PTMA: variants seen among roughly 807,000 people sequenced by gnomAD.
PTMA encodes the protein gene sequence 28.
PTMA carries 4 observed loss-of-function variants against 16.9 expected under a neutral mutation model. The observed-to-expected ratio is 0.24, with a 90% CI of 0.12 to 0.54. The LOEUF is 0.54. Ranked by LOEUF, PTMA falls within the 20% of genes least tolerant of loss-of-function variation. The pLI is 0.95. For missense variants in PTMA, 120 were observed against 137.7 expected, an observed-to-expected ratio of 0.87 and a Z score of 0.64; for synonymous variants, 58 against 47.9, an observed-to-expected ratio of 1.21 and a Z score of -0.87.
chr2:231,712,768 G>T (rs1162911332), intron 4 of PTMA, 36 bp from the exon 5 acceptor site: 1 of 1,577,736 alleles, frequency 6.3e-7, no homozygotes, highest in South Asian at 1.2e-5. Context: ...GGGCTCCTGG[G>T]GTTGGAGGGG....
chr2:231,712,018 A>T (rs1202936183), intron 3 of PTMA, 35 bp downstream of exon 3: 1 of 1,551,716 alleles, frequency 6.4e-7, no homozygotes, highest in Non-Finnish European at 8.7e-7. Context: ...CTTTTCAGGT[A>T]CTTTTTCCTG....
At chr2:231,710,338 C>T (rs746940161) in intron 1 of PTMA, 13 of 1,222,774 alleles carry the variant, frequency 1.1e-5, no homozygotes, top group African/African-American at 9.4e-5. Context: ...GCCACGTGCT[C>T]CCTGCGCGCG....
Position 231,708,697 on chromosome 2 carries a change from G to T in PTMA, c.-10G>T. 1 of 1,602,516 alleles carries T rather than the reference G, an allele frequency of 6.2e-7. No homozygotes were observed. The highest frequency in any genetic ancestry group is 8.5e-7 in the Non-Finnish European group (1 of 1,179,600). ...TAATCCCCTGCATCGGATCACCGGCGTGCCCCACCATGTCAGACGCAGCCG... is the reference window on the plus strand; with the variant it reads ...TAATCCCCTGCATCGGATCACCGGCTTGCCCCACCATGTCAGACGCAGCCG... On this transcript the variant is annotated 5_prime_UTR_variant, in exon 1 of 5. Transcript: ENST00000409115.
chr2:231,711,838 TG>T, intron 2 of PTMA, 51 bp from the exon 3 acceptor site: 1 of 1,600,956 alleles, frequency 6.2e-7, no homozygotes. Flanking sequence ...AGCAACGCTC[TG>T]TCCAGCCTGG....
At chr2:231,712,400 G>GT in intron 3 of PTMA, 43 bp from the exon 4 acceptor site, 2 of 1,580,450 alleles carry the variant, frequency 1.3e-6, no homozygotes, top group Non-Finnish European at 8.7e-7. Context: ...AGGAGCCACA[G>GT]TAGGAGGGAA....
intron 2 of PTMA, 82 bp downstream of exon 2, chr2:231,711,501 A>ATGTGTG (rs1346987546): frequency 1.6e-6 from 2 of 1,223,224 alleles, no homozygotes; most frequent in Non-Finnish European, 1.2e-6. Flanking sequence ...ATACCTATAT[A>ATGTGTG]TGTGTGTGTA....
chr2:231,712,809 C>G lies in PTMA; in HGVS notation c.291C>G (p.Asp97Glu), dbSNP rs1804250. Reference protein sequence around the residue: ...GKRAAEDDEDDDVDTKKQKTD... With the variant: ...GKRAAEDDEDEDVDTKKQKTD... ...GACAGTCTTTCTCTGCTTAGGATGA[C>G]GATGTCGATACCAAGAAGCAGAAGA... Residue 97 changes from aspartate (D) to glutamate (E), a missense_variant, in exon 5 of 5, where the codon GAC becomes GAG. By Grantham distance (45) the Asp-to-Glu change is conservative (BLOSUM62 2). Transcript: ENST00000409115. 31 of 1,593,556 alleles carry G rather than the reference C, an allele frequency of 1.9e-5. 1 individual carries two copies. The South Asian group carries it at 3.2e-4, about 16-fold the overall frequency.
Position 231,712,966 on chromosome 2 carries a change from GC to G in PTMA, c.*118del. ...CACCTTCGAGTAGAGAGGCCCGCCC[GC>G]CCACCGTGGGCAGTGCCACCCGCAG... On this transcript the variant is annotated 3_prime_UTR_variant, in exon 5 of 5. Coordinates refer to ENST00000409115, the MANE Select transcript of PTMA (RefSeq NM_002823.5). 8.7e-7 allele frequency: 1 copy of G among 1,152,874 alleles called. No individual in the cohort carries two copies. The highest frequency in any genetic ancestry group is 1.2e-6 in the Non-Finnish European group (1 of 816,378). 71.4% of individuals were successfully genotyped at this position (1,152,874 alleles called of 1,614,324 possible). A position where few individuals can be genotyped will look rare whatever the true frequency, so the allele number is the denominator to read the frequency against.
chr2:231,711,726 GA>G, intron 2 of PTMA, 163 bp from the exon 3 acceptor site: 8 of 1,300,024 alleles, frequency 6.2e-6, no homozygotes, highest in Non-Finnish European at 8.3e-6. Flanking sequence ...TTTCATGATG[GA>G]GCCTGGAGGG....
Position 231,710,506 on chromosome 2 carries a change from G to T in PTMA, c.46-842G>T, listed in dbSNP as rs368007347. ...GGAGCGGAGCGGGGCGGGCCGGACT[G>T]AGAGGGCCGACAGGTGGCCCGGAGC... On this transcript the variant is annotated intron_variant, in intron 1 of 4. Transcript: ENST00000409115. The T allele has an allele frequency of 6.0e-6, 6 of 994,456 alleles. No homozygotes were observed. In the African/African-American group the frequency reaches 7.1e-5, roughly 12 times the overall value. 61.6% of individuals were successfully genotyped at this position (994,456 alleles called of 1,614,324 possible). A position where few individuals can be genotyped will look rare whatever the true frequency, so the allele number is the denominator to read the frequency against.
intron 1 of PTMA, chr2:231,710,172 C>G (rs914093296): frequency 3.4e-5 from 44 of 1,286,402 alleles, no homozygotes; most frequent in Middle Eastern, 3.0e-4. Context: ...GGGACTTGGC[C>G]CGCCGAATGC....
At chr2:231,711,765 GGGCTT>G (rs1258359696) in intron 2 of PTMA, 120 bp from the exon 3 acceptor site, 12 of 1,511,114 alleles carry the variant, frequency 7.9e-6, no homozygotes, top group Admixed American at 4.6e-5. Flanking sequence ...TCTCTGGGGT[GGGCTT>G]GGCTTGGCTG....
intron 1 of PTMA, chr2:231,710,164 G>A: frequency 7.8e-7 from 1 of 1,279,906 alleles, no homozygotes; most frequent in Non-Finnish European, 1.0e-6. Context: ...CCTCCCGTGG[G>A]ACTTGGCCCG....
chr2:231,711,289 G>T lies in PTMA; in HGVS notation c.46-59G>T, dbSNP rs115552745. 4,106 of 1,449,888 alleles carry T rather than the reference G, an allele frequency of 2.8e-3. 86 individuals are homozygous for T. In the African/African-American group the frequency reaches 0.052, roughly 18 times the overall value. 89.8% of individuals were successfully genotyped at this position (1,449,888 alleles called of 1,614,324 possible). The stretch of plus-strand genomic sequence containing the variant: ...CAGACCAGTAGTTCTCAGCGCCTTT[G>T]CTTACCCTGGGTTGCTCAGAAGACT... On this transcript the variant is annotated intron_variant, in intron 1 of 4. Transcript: ENST00000409115.
chr2:231,710,056 C>T, intron 1 of PTMA: 1 of 1,224,036 alleles, frequency 8.2e-7, no homozygotes, highest in Non-Finnish European at 1.0e-6. Context: ...TTCTCCGAAG[C>T]ACCAAAAGGT....
intron 1 of PTMA, chr2:231,710,346 G>A (rs2048501097): frequency 2.5e-6 from 3 of 1,215,982 alleles, no homozygotes; most frequent in Non-Finnish European, 3.1e-6. Flanking sequence ...CTCCCTGCGC[G>A]CGGTGCGTGC....
At chr2:231,708,856 C>A (rs1447341479) in intron 1 of PTMA, 105 bp downstream of exon 1, 1 of 1,338,488 alleles carries the variant, frequency 7.5e-7, no homozygotes, top group African/African-American at 1.5e-5. Flanking sequence ...TGCTCCCTCT[C>A]GCGGGGAAAC....
At chr2:231,710,598 G>C (rs757150593) in intron 1 of PTMA, 1 of 496,726 alleles carries the variant, frequency 2.0e-6, no homozygotes, top group African/African-American at 2.1e-5. Context: ...GGTATTGGTG[G>C]CCGTGTCGTG....
Position 231,712,007 on chromosome 2 carries a change from C to G in PTMA, c.211+24C>G, listed in dbSNP as rs773357430. ...TGGTGAGTAGCCTTGTCTATCTTCC[C>G]CTTTTCAGGTACTTTTTCCTGGCCT... On this transcript the variant is annotated intron_variant, in intron 3 of 4. Coordinates refer to ENST00000409115, the MANE Select transcript of PTMA (RefSeq NM_002823.5). 85 of 1,553,724 alleles carry G rather than the reference C, an allele frequency of 5.5e-5. 1 individual carries two copies. The highest frequency in any genetic ancestry group is 1.4e-4 in the Admixed American group (7 of 51,008).
Sources: gnomAD v4.1 joint callset for allele counts on GRCh38, gnomAD v4.1.1 for gene constraint, MANE v1.5 for transcripts, NCBI Gene and HGNC (gene_info 2026-07-23, HGNC 2026-07-21) for gene names.